SDHAF3: variants seen among roughly 807,000 people sequenced by gnomAD.
SDHAF3 encodes the protein succinate dehydrogenase assembly factor 3, mitochondrial.
A neutral mutation model predicts 11.5 loss-of-function variants in SDHAF3; 18 were observed. The observed-to-expected ratio is 1.56, with a 90% CI of 1.08 to 2.32. SDHAF3 has a LOEUF of 2.32. Ranked by LOEUF, SDHAF3 falls within the 30% of genes most tolerant of loss-of-function variation. The probability of loss-of-function intolerance (pLI) is 0.00; values close to 1 mark genes in which losing one functional copy is unlikely to be tolerated. For missense variants in SDHAF3, 200 were observed against 154.4 expected (o/e 1.30, Z -1.57); for synonymous variants, 72 against 59.3 (o/e 1.21, Z -0.99).
chr7:97,162,859 A>G (rs551697377), intron 1 of SDHAF3, among the ~76,000 whole-genome samples: 1 of 152,256 alleles, frequency 6.6e-6, no homozygotes, highest in South Asian at 2.1e-4. Flanking sequence ...TGAAGAATGT[A>G]TATTCTGTTG....
chr7:97,172,341 A>G (rs567896041), intron 1 of SDHAF3, among the ~76,000 whole-genome samples: 11 of 152,112 alleles, frequency 7.2e-5, no homozygotes, highest in Non-Finnish European at 1.6e-4. Flanking sequence ...TTCTATATGC[A>G]TGTATTTTTT....
At chr7:97,129,581 T>C (rs1490622564) in intron 1 of SDHAF3, among the ~76,000 whole-genome samples, 3 of 152,202 alleles carry the variant, frequency 2.0e-5, no homozygotes, top group Non-Finnish European at 4.4e-5. Context: ...CCATCTTTAC[T>C]TGGAAATCCT....
intron 1 of SDHAF3, among the ~76,000 whole-genome samples, chr7:97,170,675 T>C (rs762322232): frequency 6.6e-6 from 1 of 152,200 alleles, no homozygotes; most frequent in Non-Finnish European, 1.5e-5. Flanking sequence ...TTTCTTTTTA[T>C]CTTTGCTGTG....
chr7:97,175,236 TTTGA>T (rs1286539133), intron 1 of SDHAF3, among the ~76,000 whole-genome samples: 6 of 152,228 alleles, frequency 3.9e-5, no homozygotes, highest in African/African-American at 9.6e-5. Context: ...TAATTTATAA[TTTGA>T]TTGTTTTCTT....
intron 1 of SDHAF3, among the ~76,000 whole-genome samples, chr7:97,166,744 G>GGT (rs1789511396): frequency 1.4e-5 from 2 of 140,834 alleles, no homozygotes; most frequent in Non-Finnish European, 3.2e-5. Context: ...CCAGTTAGTT[G>GGT]GCGGGGGGGG....
At chr7:97,173,595 C>G (rs1789637832) in intron 1 of SDHAF3, among the ~76,000 whole-genome samples, 1 of 148,134 alleles carries the variant, frequency 6.8e-6, no homozygotes, top group South Asian at 2.1e-4. Flanking sequence ...CTCTCTCACC[C>G]AGGCTGGAGT....
chr7:97,131,101 G>T (rs1034694223), intron 1 of SDHAF3, among the ~76,000 whole-genome samples: 1 of 152,154 alleles, frequency 6.6e-6, no homozygotes, highest in Admixed American at 6.5e-5. Context: ...GGACAAAAAT[G>T]TTGTGTTCTT....
intron 1 of SDHAF3, among the ~76,000 whole-genome samples, chr7:97,123,102 C>T (rs1489269577): frequency 6.6e-6 from 1 of 151,946 alleles, no homozygotes; most frequent in African/African-American, 2.4e-5. Flanking sequence ...AGGTTTTAAG[C>T]CCTGCATGCA....
chr7:97,119,484 G>A (rs1279695389), intron 1 of SDHAF3, among the ~76,000 whole-genome samples: 3 of 152,174 alleles, frequency 2.0e-5, no homozygotes, highest in Non-Finnish European at 4.4e-5. Flanking sequence ...AATAATTTTA[G>A]ACATACAGAA....
chr7:97,158,756 CTG>C (rs1789349359), intron 1 of SDHAF3, among the ~76,000 whole-genome samples: 2 of 152,292 alleles, frequency 1.3e-5, no homozygotes, highest in Admixed American at 6.5e-5. Context: ...TGACCTTAAA[CTG>C]TGATAAAATA....
intron 1 of SDHAF3, among the ~76,000 whole-genome samples, chr7:97,141,126 A>C (rs1397184581): frequency 2.0e-5 from 3 of 152,204 alleles, no homozygotes; most frequent in African/African-American, 7.2e-5. Flanking sequence ...CAGGCTTATT[A>C]GGACGAGGAA....
intron 1 of SDHAF3, among the ~76,000 whole-genome samples, chr7:97,125,785 C>T (rs996314859): frequency 2.4e-4 from 36 of 152,156 alleles, no homozygotes; most frequent in African/African-American, 7.2e-4. Context: ...AACATGCCTC[C>T]GTAGCTCAGA....
intron 1 of SDHAF3, among the ~76,000 whole-genome samples, chr7:97,148,176 C>T (rs1378596299): frequency 6.6e-6 from 1 of 152,118 alleles, no homozygotes; most frequent in Non-Finnish European, 1.5e-5. Context: ...AGATGTGAGC[C>T]ACTGCTGAAC....
At chr7:97,175,037 T>G (rs971746459) in intron 1 of SDHAF3, among the ~76,000 whole-genome samples, 1 of 152,186 alleles carries the variant, frequency 6.6e-6, no homozygotes, top group Non-Finnish European at 1.5e-5. Flanking sequence ...TTGTTGTTGT[T>G]GTTTTGGTAA....
intron 1 of SDHAF3, among the ~76,000 whole-genome samples, chr7:97,132,381 C>A (rs1288983192): frequency 1.3e-5 from 2 of 151,304 alleles, no homozygotes; most frequent in African/African-American, 4.9e-5. Context: ...CTAAGTATTT[C>A]TTTTTTACGT....
chr7:97,117,728 C>G lies in SDHAF3; in HGVS notation c.5C>G (p.Pro2Arg). The change falls in exon 1 of 2, where the codon CCG becomes CGG. Residue 2 changes from proline to arginine, a missense_variant. Transcript: ENST00000432641. MPGRHVSRVRAL... is the reference protein window; with the variant it reads MRGRHVSRVRAL... ...CGGCGGTCGGCGTGGGGCGCTATGC[C>G]GGGGCGGCACGTTTCTCGAGTCCGG... 1.2e-6 allele frequency: 2 copies of G among 1,611,928 alleles called. No homozygotes were observed. The highest frequency in any genetic ancestry group is 1.7e-6 in the Non-Finnish European group (2 of 1,178,802).
At chr7:97,179,079 A>G (rs1364574551) in intron 1 of SDHAF3, among the ~76,000 whole-genome samples, 1 of 152,176 alleles carries the variant, frequency 6.6e-6, no homozygotes, top group Non-Finnish European at 1.5e-5. Flanking sequence ...TCCCAGCACC[A>G]GTTGTTGCCT....
chr7:97,172,031 T>G (rs532052028), intron 1 of SDHAF3, among the ~76,000 whole-genome samples: 1 of 152,224 alleles, frequency 6.6e-6, no homozygotes, highest in East Asian at 1.9e-4. Context: ...TCCCTTTCAT[T>G]TAGTTACTTA....
intron 1 of SDHAF3, among the ~76,000 whole-genome samples, chr7:97,130,269 C>G (rs1791647311): frequency 9.9e-6 from 1 of 101,402 alleles, no homozygotes; most frequent in African/African-American, 4.1e-5. Context: ...GATACCCAGT[C>G]TAAAAAAAAA....
Sources: gnomAD v4.1 joint callset for allele counts (sites outside exome capture counted in the v4.1 genomes callset) on GRCh38, gnomAD v4.1.1 for gene constraint, MANE v1.5 for transcripts, NCBI Gene and HGNC (gene_info 2026-07-23, HGNC 2026-07-21) for gene names.